The following SYT9 variants were observed in gnomAD, a reference collection of about 807,000 sequenced individuals.
SYT9 encodes the protein synaptotagmin 9, also known as synaptotagmin-9.
A neutral mutation model predicts 48.4 loss-of-function variants in SYT9; 22 were observed. The observed-to-expected ratio is 0.45, with a 90% CI of 0.32 to 0.65. The LOEUF (loss-of-function observed/expected upper bound fraction) is 0.65. SYT9 is among the 30% of genes least tolerant of loss of function. The pLI is 0.03. For missense variants in SYT9, 577 were observed against 622.0 expected (o/e 0.93, Z 0.77); for synonymous variants, 265 against 245.0 (o/e 1.08, Z -0.76).
At chr11:7,382,508 A>G (rs115002172) in intron 3 of SYT9, among the ~76,000 whole-genome samples, 225 of 152,274 alleles carry the variant, frequency 1.5e-3, no homozygotes, top group African/African-American at 5.1e-3. Flanking sequence ...AATTAGCTCC[A>G]TTTTCAAAAT....
chr11:7,464,552 T>G (rs1487743229), intron 6 of SYT9, among the ~76,000 whole-genome samples: 3 of 152,152 alleles, frequency 2.0e-5, no homozygotes, highest in Non-Finnish European at 4.4e-5. Context: ...TAAGAACTTG[T>G]AAAGTCCATA....
chr11:7,349,868 A>G (rs1361666232), intron 3 of SYT9, among the ~76,000 whole-genome samples: 5 of 152,254 alleles, frequency 3.3e-5, no homozygotes, highest in African/African-American at 9.6e-5. Context: ...CGATTATACT[A>G]CACTTCAAAA....
rs141164216 is a variant in SYT9, at chr11:7,468,258, C to T, written c.*1458C>T. 10 of 398,590 alleles carry T rather than the reference C, an allele frequency of 2.5e-5. No individual in the cohort carries two copies. Among genetic ancestry groups the T allele is most frequent in the East Asian group, 2.5e-4 (7 of 28,074 alleles). 24.7% of individuals were successfully genotyped at this position (398,590 alleles called of 1,614,324 possible). On this transcript the variant is annotated 3_prime_UTR_variant, in exon 7 of 7. Coordinates refer to ENST00000318881, the MANE Select transcript of SYT9 (RefSeq NM_175733.4). ...GGAACTAACTGGGCGGAGGAAGGAT[C>T]GTTATACGTCTTCAGAAAGTTCTCA...
In SYT9 at chr11:7,380,741, A is replaced by G. The variant is rs1487902605; in HGVS notation, c.1045-35301A>G. On this transcript the variant is annotated intron_variant, in intron 3 of 6. Coordinates refer to ENST00000318881, the MANE Select transcript of SYT9 (RefSeq NM_175733.4). ...GTCCAGACTATACCTCTACTGATACAGCCTAAAGCAAAATGAGTTTCTGGT... is the reference window on the plus strand; with the variant it reads ...GTCCAGACTATACCTCTACTGATACGGCCTAAAGCAAAATGAGTTTCTGGT... Among the ~76,000 whole-genome samples, 11 of 152,344 alleles carry G rather than the reference A, an allele frequency of 7.2e-5. No individual in the cohort carries two copies. The East Asian group carries it at 2.1e-3, about 29-fold the overall frequency.
chr11:7,420,435 G>A lies in SYT9; in HGVS notation c.1338-71G>A. 1.9e-6 allele frequency: 3 copies of A among 1,573,146 alleles called. No individual in the cohort carries two copies. In the Admixed American group the frequency reaches 5.2e-5, roughly 28 times the overall value. On this transcript the variant is annotated intron_variant, in intron 5 of 6. Coordinates refer to ENST00000318881, the MANE Select transcript of SYT9 (RefSeq NM_175733.4). ...AACCACATCCCCAATTCCTTCATCA[G>A]TTTAATTGAGTAGCTATTGATCTTA...
At chr11:7,368,964 G>A (rs1391705136) in intron 3 of SYT9, among the ~76,000 whole-genome samples, 1 of 152,202 alleles carries the variant, frequency 6.6e-6, no homozygotes, top group African/African-American at 2.4e-5. Flanking sequence ...TGTCTTTCTA[G>A]TAGAGTGATT....
At chr11:7,260,738 G>A (rs1024924868) in intron 1 of SYT9, among the ~76,000 whole-genome samples, 16 of 152,098 alleles carry the variant, frequency 1.1e-4, no homozygotes, top group Non-Finnish European at 2.4e-4. Flanking sequence ...TCAATGAATG[G>A]AAGTTTACCC....
chr11:7,443,299 G>T (rs1847863268), intron 6 of SYT9, among the ~76,000 whole-genome samples: 1 of 152,216 alleles, frequency 6.6e-6, no homozygotes, highest in African/African-American at 2.4e-5. Flanking sequence ...TTACAATCTG[G>T]CTGAGGAAAT....
intron 1 of SYT9, among the ~76,000 whole-genome samples, chr11:7,271,846 G>A (rs1848303754): frequency 1.3e-5 from 2 of 152,286 alleles, no homozygotes; most frequent in Admixed American, 1.3e-4. Flanking sequence ...AAAGTGCTGG[G>A]ATTATAGGCA....
intron 1 of SYT9, among the ~76,000 whole-genome samples, chr11:7,281,505 C>T (rs1848491654): frequency 6.6e-6 from 1 of 152,210 alleles, no homozygotes; most frequent in Non-Finnish European, 1.5e-5. Context: ...ATTTCCACTT[C>T]CTTTCTTCTA....
chr11:7,366,441 T>G (rs1235215263), intron 3 of SYT9, among the ~76,000 whole-genome samples: 1 of 152,220 alleles, frequency 6.6e-6, no homozygotes, highest in African/African-American at 2.4e-5. Flanking sequence ...CTGATGTTTT[T>G]CTCTTAATAA....
chr11:7,320,717 G>A (rs1849321932), intron 3 of SYT9, among the ~76,000 whole-genome samples: 1 of 152,080 alleles, frequency 6.6e-6, no homozygotes, highest in Admixed American at 6.6e-5. Flanking sequence ...ATAAATGTTG[G>A]CACTCAAATA....
intron 4 of SYT9, among the ~76,000 whole-genome samples, chr11:7,417,659 G>A (rs1847277677): frequency 6.6e-6 from 1 of 152,176 alleles, no homozygotes; most frequent in African/African-American, 2.4e-5. Flanking sequence ...TCCTGGCCAG[G>A]CCAGTCTTGA....
intron 3 of SYT9, among the ~76,000 whole-genome samples, chr11:7,387,584 A>T (rs1442897088): frequency 6.6e-6 from 1 of 152,168 alleles, no homozygotes; most frequent in Non-Finnish European, 1.5e-5. Flanking sequence ...TATTTCACTA[A>T]GACCTCAAAT....
chr11:7,456,820 G>A (rs1848155613), intron 6 of SYT9: 1 of 152,160 alleles, frequency 6.6e-6, no homozygotes, highest in African/African-American at 2.4e-5. Flanking sequence ...TCACTCACCA[G>A]TAATTCCACA....
intron 5 of SYT9, among the ~76,000 whole-genome samples, chr11:7,418,921 A>T (rs10769790): frequency 0.68 from 103,311 of 152,154 alleles, 36,487 homozygotes; most frequent in Middle Eastern, 0.8. Context: ...ATTAAAAAAA[A>T]TATTCTGACT....
At chr11:7,262,018 G>T (rs10839752) in intron 1 of SYT9, among the ~76,000 whole-genome samples, 70,772 of 151,838 alleles carry the variant, frequency 0.47, 16,586 homozygotes, top group African/African-American at 0.52. Context: ...TATAGGAGGG[G>T]AAGGTTGAAG....
intron 6 of SYT9, among the ~76,000 whole-genome samples, chr11:7,452,700 T>A (rs1227313647): frequency 6.6e-6 from 1 of 152,128 alleles, no homozygotes; most frequent in African/African-American, 2.4e-5. Flanking sequence ...ATGGAGCCAG[T>A]TGCCCAGAGA....
At chr11:7,371,334 A>T (rs1214313147) in intron 3 of SYT9, among the ~76,000 whole-genome samples, 2 of 152,088 alleles carry the variant, frequency 1.3e-5, no homozygotes, top group African/African-American at 4.8e-5. Context: ...CCAGGAGCAT[A>T]GACTATCTCC....
Sources: gnomAD v4.1 joint callset for allele counts (sites outside exome capture counted in the v4.1 genomes callset) on GRCh38, gnomAD v4.1.1 for gene constraint, MANE v1.5 for transcripts, NCBI Gene and HGNC (gene_info 2026-07-23, HGNC 2026-07-21) for gene names.